LRMDA: variants seen among roughly 807,000 people sequenced by gnomAD.
The protein encoded by LRMDA is leucine-rich melanocyte differentiation-associated protein.
A neutral mutation model predicts 29.8 loss-of-function variants in LRMDA; 18 were observed. That is an observed-to-expected ratio of 0.60 (90% CI 0.42 to 0.90). The LOEUF (loss-of-function observed/expected upper bound fraction) is 0.90, where lower values mean the gene tolerates loss of function less well. LRMDA is among the 40% of genes least tolerant of loss of function. The pLI is 0.00. For missense variants in LRMDA, 273 were observed against 273.9 expected, an observed-to-expected ratio of 1.00 and a Z score of 0.02; for synonymous variants, 125 against 109.4, an observed-to-expected ratio of 1.14 and a Z score of -0.89.
chr10:75,502,007 G>A (rs1845119195), intron 2 of LRMDA, among the ~76,000 whole-genome samples: 1 of 152,112 alleles, frequency 6.6e-6, no homozygotes, highest in South Asian at 2.1e-4. Flanking sequence ...AGTGCAGGGA[G>A]GTCAGGAGGG....
intron 2 of LRMDA, among the ~76,000 whole-genome samples, chr10:75,940,511 T>G (rs1215641967): frequency 6.6e-6 from 1 of 152,138 alleles, no homozygotes; most frequent in Non-Finnish European, 1.5e-5. Context: ...CAACTAAAAG[T>G]GAGAGTTTGC....
intron 5 of LRMDA, among the ~76,000 whole-genome samples, chr10:76,109,149 G>A (rs1464554597): frequency 6.6e-6 from 1 of 152,114 alleles, no homozygotes; most frequent in Non-Finnish European, 1.5e-5. Context: ...CACATCTCCT[G>A]GATAACAGTG....
At chr10:75,782,245 C>T (rs982538363) in intron 2 of LRMDA, among the ~76,000 whole-genome samples, 3 of 152,050 alleles carry the variant, frequency 2.0e-5, no homozygotes, top group African/African-American at 7.2e-5. Flanking sequence ...GAAATAAAAA[C>T]AAGCAAAATA....
intron 2 of LRMDA, among the ~76,000 whole-genome samples, chr10:75,500,989 C>T (rs1845106839): frequency 1.3e-5 from 2 of 152,210 alleles, no homozygotes; most frequent in African/African-American, 4.8e-5. Flanking sequence ...GACAGATTCT[C>T]AAGTCTCTTC....
At chr10:76,207,138 G>A (rs1325625981) in intron 5 of LRMDA, among the ~76,000 whole-genome samples, 6 of 151,804 alleles carry the variant, frequency 4.0e-5, no homozygotes, top group African/African-American at 1.5e-4. Context: ...CACAACAGGG[G>A]TAATGAATCA....
intron 6 of LRMDA, among the ~76,000 whole-genome samples, chr10:76,355,639 C>G (rs1841230547): frequency 6.6e-6 from 1 of 152,112 alleles, no homozygotes; most frequent in Non-Finnish European, 1.5e-5. Flanking sequence ...TTCAACCTCT[C>G]AAAAAGACTT....
rs147121258 is a variant in LRMDA at position 75,731,250 on chromosome 10, T to G, written c.131+292756T>G. Among the ~76,000 whole-genome samples, 317 of 152,330 alleles carry G rather than the reference T, an allele frequency of 2.1e-3. 5 individuals carry two copies. Among genetic ancestry groups the G allele is most frequent in the East Asian group, 6.6e-3 (34 of 5,182 alleles). ...TTTGAAACTTCACAACTTTCTGATATGGTAACTTCAAGGACAACACCTGCC... is the reference window on the plus strand; with the variant it reads ...TTTGAAACTTCACAACTTTCTGATAGGGTAACTTCAAGGACAACACCTGCC... On this transcript the variant is annotated intron_variant, in intron 2 of 6. Transcript: ENST00000611255.
intron 5 of LRMDA, among the ~76,000 whole-genome samples, chr10:76,285,424 G>A (rs1377298713): frequency 4.3e-5 from 5 of 115,014 alleles, no homozygotes; most frequent in Non-Finnish European, 6.9e-5. Context: ...GGCTAATTGT[G>A]CTAAATATTA....
chr10:76,311,400 C>T (rs1840628212), intron 5 of LRMDA, among the ~76,000 whole-genome samples: 1 of 152,088 alleles, frequency 6.6e-6, no homozygotes, highest in Non-Finnish European at 1.5e-5. Flanking sequence ...CTGCACTTGC[C>T]TTGTTTAGGT....
At chr10:75,657,181 G>A (rs1295391095) in intron 2 of LRMDA, among the ~76,000 whole-genome samples, 1 of 152,178 alleles carries the variant, frequency 6.6e-6, no homozygotes, top group African/African-American at 2.4e-5. Context: ...GTCCAGTTGA[G>A]ATAAACCAAC....
At chr10:76,054,557 G>T (rs536179903) in intron 4 of LRMDA, among the ~76,000 whole-genome samples, 2 of 151,694 alleles carry the variant, frequency 1.3e-5, no homozygotes, top group African/African-American at 4.8e-5. Context: ...TCACTCCATC[G>T]TTAAACATTG....
At chr10:75,592,406 A>G (rs1440299697) in intron 2 of LRMDA, among the ~76,000 whole-genome samples, 1 of 152,228 alleles carries the variant, frequency 6.6e-6, no homozygotes, top group African/African-American at 2.4e-5. Flanking sequence ...CGAAGTTGTA[A>G]TAAAGTCTTC....
chr10:76,146,107 C>A (rs1291385071), intron 5 of LRMDA, among the ~76,000 whole-genome samples: 1 of 151,962 alleles, frequency 6.6e-6, no homozygotes, highest in East Asian at 1.9e-4. Flanking sequence ...TGCTTTACTT[C>A]CAACTATGTG....
At chr10:75,716,681 T>G (rs1589168737) in intron 2 of LRMDA, among the ~76,000 whole-genome samples, 1 of 152,298 alleles carries the variant, frequency 6.6e-6, no homozygotes, top group East Asian at 1.9e-4. Flanking sequence ...ATGGTGCCAC[T>G]TGGGAGGGCC....
At chr10:76,052,093 A>G (rs1187058114) in intron 4 of LRMDA, among the ~76,000 whole-genome samples, 1 of 152,228 alleles carries the variant, frequency 6.6e-6, no homozygotes, top group African/African-American at 2.4e-5. Context: ...GCTTTGTGAA[A>G]GATTGAGAAT....
Position 76,174,319 on chromosome 10 carries a change from T to A in LRMDA, c.516+115536T>A, listed in dbSNP as rs531287465. 4.2e-3 allele frequency among the ~76,000 whole-genome samples: 643 copies of A among 152,196 alleles called. 1 individual carries two copies. The highest frequency in any genetic ancestry group is 6.8e-3 in the Non-Finnish European group (463 of 68,008). ...AAAATTAATTTAATTAAAAAATTTT[T>A]AAAAAATTATGAGAAAATTAAATTC... On this transcript the variant is annotated intron_variant, in intron 5 of 6. Coordinates refer to ENST00000611255, the MANE Select transcript of LRMDA (RefSeq NM_001305581.2).
At chr10:76,100,153 G>T (rs1849374024) in intron 5 of LRMDA, among the ~76,000 whole-genome samples, 3 of 152,184 alleles carry the variant, frequency 2.0e-5, no homozygotes, top group African/African-American at 4.8e-5. Flanking sequence ...CCTGATAAAT[G>T]ACCTCTTCAT....
chr10:76,315,776 C>T (rs1201963115), intron 5 of LRMDA, among the ~76,000 whole-genome samples: 4 of 152,108 alleles, frequency 2.6e-5, no homozygotes, highest in Admixed American at 1.3e-4. Flanking sequence ...GCCTGGGGGC[C>T]GGGCTGCCAG....
chr10:76,210,485 C>T (rs1589377646), intron 5 of LRMDA, among the ~76,000 whole-genome samples: 1 of 152,124 alleles, frequency 6.6e-6, no homozygotes, highest in Non-Finnish European at 1.5e-5. Flanking sequence ...ATAGTAAGTG[C>T]TCAGTAAACA....
Sources: gnomAD v4.1 joint callset for allele counts (sites outside exome capture counted in the v4.1 genomes callset) on GRCh38, gnomAD v4.1.1 for gene constraint, MANE v1.5 for transcripts, NCBI Gene and HGNC (gene_info 2026-07-23, HGNC 2026-07-21) for gene names.